The following ENGASE variants were observed in gnomAD, a reference collection of about 807,000 sequenced individuals.
ENGASE encodes the protein cytosolic endo-beta-N-acetylglucosaminidase.
Under a neutral mutation model 78.5 loss-of-function variants are expected in ENGASE, and 69 were observed. The ratio of observed to expected loss-of-function variants is 0.88; its 90% confidence interval spans 0.72 to 1.07. ENGASE has a LOEUF of 1.07. ENGASE is among the 50% of genes least tolerant of loss of function. The pLI, the probability that ENGASE is intolerant of heterozygous loss-of-function variation, is 0.00. For synonymous variants in ENGASE, 408 were observed against 408.9 expected (o/e 1.00, Z 0.03); for missense variants, 943 against 988.4 (o/e 0.95, Z 0.62).
chr17:79,077,925 T>TGTTGGGGGGGGGGGGGGGG, intron 3 of ENGASE, 61 bp downstream of exon 3: 2 of 620,744 alleles, frequency 3.2e-6, no homozygotes, highest in Non-Finnish European at 2.7e-6. Flanking sequence ...GGGTGGGGGC[T>TGTTGGGGGGGGGGGGGGGG]GGAGGGGCGG....
chr17:79,087,070 C>G lies in ENGASE; in HGVS notation c.*721C>G. 2.1e-6 allele frequency: 1 copy of G among 466,048 alleles called. No homozygotes were observed. Among genetic ancestry groups the G allele is most frequent in the Non-Finnish European group, 4.3e-6 (1 of 232,250 alleles). The allele number at this position is 466,048 out of a possible 1,614,324, so 28.9% of individuals were successfully genotyped here. A position where few individuals can be genotyped will look rare whatever the true frequency, so the allele number is the denominator to read the frequency against. On this transcript the variant is annotated 3_prime_UTR_variant, in exon 14 of 14. Transcript: ENST00000579016. ...GCCCCTGGCTCTGCGGCGTCTCTTC[C>G]GGGCTGTGGGCATGCAGGGAAGTGG... is the stretch of plus-strand genomic sequence containing the variant.
chr17:79,086,512 TG>T lies in ENGASE; in HGVS notation c.*169del. The T allele has an allele frequency of 2.5e-6, 2 of 789,416 alleles. No individual in the cohort carries two copies. Among genetic ancestry groups the T allele is most frequent in the Non-Finnish European group, 3.9e-6 (2 of 513,466 alleles). 48.9% of individuals were successfully genotyped at this position (789,416 alleles called of 1,614,324 possible). A position where few individuals can be genotyped will look rare whatever the true frequency, so the allele number is the denominator to read the frequency against. On this transcript the variant is annotated 3_prime_UTR_variant, in exon 14 of 14. Transcript: ENST00000579016. The stretch of plus-strand genomic sequence containing the variant: ...CGGGCTGAGTGCTGTGGCTTTCTGG[TG>T]GGGGGCGATGGAAACAGGAAACCAA...
chr17:79,084,016 C>A, intron 10 of ENGASE, 65 bp downstream of exon 10: 1 of 1,439,492 alleles, frequency 6.9e-7, no homozygotes, highest in Non-Finnish European at 9.6e-7. Flanking sequence ...GGCCATGGAA[C>A]TGGACAGATG....
chr17:79,082,791 T>C (rs1468167379), intron 7 of ENGASE: 1 of 1,483,074 alleles, frequency 6.7e-7, no homozygotes, highest in East Asian at 2.8e-5. Flanking sequence ...CCTGCCCCCC[T>C]GCCCTTGCAG....
chr17:79,075,185 CG>C lies in ENGASE; in HGVS notation c.146+101del, dbSNP rs913601462. 15 of 1,155,616 alleles carry C rather than the reference CG, an allele frequency of 1.3e-5. No individual in the cohort carries two copies. In the African/African-American group the frequency reaches 1.6e-4, roughly 12 times the overall value. 71.6% of individuals were successfully genotyped at this position (1,155,616 alleles called of 1,614,324 possible). On this transcript the variant is annotated intron_variant, in intron 1 of 13. Transcript: ENST00000579016. ...TTCCCGGCACGGGCGCGCCGAGGGG[CG>C]GGGGGCCGGCGCCTGTGTCCGCTCC...
chr17:79,086,286 A>G lies in ENGASE; in HGVS notation c.2169A>G (p.Glu723=). The stretch of plus-strand genomic sequence containing the variant: ...TTCTGGTGGAGCCTGTCCCCAAGGA[A>G]GGGTTCCGGGTACCTCAGGCCGAGT... ...MEFLVEPVPK[E]GFRVPQAEWG... The change falls in exon 14 of 14, where the codon GAA becomes GAG. Residue 723 remains glutamate (E), a synonymous_variant. Coordinates refer to ENST00000579016, the MANE Select transcript of ENGASE (RefSeq NM_001042573.3). 1 of 1,613,628 alleles carries G rather than the reference A, an allele frequency of 6.2e-7. No homozygotes were observed. Among genetic ancestry groups the G allele is most frequent in the African/African-American group, 1.3e-5 (1 of 75,050 alleles).
intron 1 of ENGASE, chr17:79,075,678 C>T (rs2072952335): frequency 2.0e-6 from 2 of 984,736 alleles, no homozygotes. Context: ...AACTCCCCCT[C>T]AGTAGGTTGC....
chr17:79,075,145 C>T (rs2072937077), intron 1 of ENGASE, 55 bp downstream of exon 1: 1 of 1,197,978 alleles, frequency 8.3e-7, no homozygotes, highest in Non-Finnish European at 1.0e-6. Flanking sequence ...AGTCCGTGGC[C>T]CCGGGGCCCG....
At chr17:79,081,457 G>A (rs1482210969) in intron 6 of ENGASE, among the ~76,000 whole-genome samples, 2 of 152,082 alleles carry the variant, frequency 1.3e-5, no homozygotes, top group Non-Finnish European at 2.9e-5. Flanking sequence ...AGCCAAGATC[G>A]TGCCACTGCA....
chr17:79,075,796 T>C (rs904956680), intron 1 of ENGASE: 2 of 985,236 alleles, frequency 2.0e-6, no homozygotes, highest in Non-Finnish European at 2.4e-6. Flanking sequence ...CTCATGAAGA[T>C]GGGATGAAGG....
At position 79,083,327 on chromosome 17, in the gene ENGASE, G is replaced by A. The variant is rs2073198776; in HGVS notation, c.1143-155G>A. Reference sequence around the variant, plus strand: ...GGCCGCTTCCTGCAGACTCGTGTTTGCAGCGTATCTGTAGACGGGGAGGCT... The same window carrying A: ...GGCCGCTTCCTGCAGACTCGTGTTTACAGCGTATCTGTAGACGGGGAGGCT... On this transcript the variant is annotated intron_variant, in intron 8 of 13. Coordinates refer to ENST00000579016, the MANE Select transcript of ENGASE (RefSeq NM_001042573.3). This position sits in a 1 kb window ranked among gnomAD's most constrained non-coding sequence, Gnocchi z 4.9. 5.7e-6 allele frequency: 4 copies of A among 700,438 alleles called. No individual in the cohort carries two copies. Among genetic ancestry groups the A allele is most frequent in the Non-Finnish European group, 9.6e-6 (4 of 415,188 alleles). 43.4% of individuals were successfully genotyped at this position (700,438 alleles called of 1,614,324 possible).
chr17:79,076,438 C>G (rs2072970000), intron 1 of ENGASE, among the ~76,000 whole-genome samples: 1 of 152,140 alleles, frequency 6.6e-6, no homozygotes, highest in African/African-American at 2.4e-5. Context: ...GTGGCAGATG[C>G]CTGTAATCCC....
At chr17:79,079,164 TC>T (rs956839686) in intron 3 of ENGASE, among the ~76,000 whole-genome samples, 24 of 152,302 alleles carry the variant, frequency 1.6e-4, no homozygotes, top group South Asian at 4.1e-4. Context: ...TGACTCTGTT[TC>T]TTTTTTTCTG....
chr17:79,080,886 G>A (rs753882780), intron 5 of ENGASE, 39 bp from the exon 6 acceptor site: 1 of 1,587,628 alleles, frequency 6.3e-7, no homozygotes, highest in Non-Finnish European at 8.6e-7. Flanking sequence ...AGATAGATCT[G>A]GGGCTCACTG....
At position 79,083,969 on chromosome 17, in the gene ENGASE, G is replaced by T; in HGVS notation, c.1442+18G>T. ...GCTGTGAGGTGGGTGAGTGACGGAGGACGGTGGGCCCACCAGCTTCTCCCA... is the reference window on the plus strand; with the variant it reads ...GCTGTGAGGTGGGTGAGTGACGGAGTACGGTGGGCCCACCAGCTTCTCCCA... On this transcript the variant is annotated intron_variant, in intron 10 of 13. Coordinates refer to ENST00000579016, the MANE Select transcript of ENGASE (RefSeq NM_001042573.3). This position sits in a 1 kb window ranked among gnomAD's most constrained non-coding sequence, Gnocchi z 4.9. 1 of 1,604,266 alleles carries T rather than the reference G, an allele frequency of 6.2e-7. No homozygotes were observed. The highest frequency in any genetic ancestry group is 8.5e-7 in the Non-Finnish European group (1 of 1,176,806).
Position 79,086,092 on chromosome 17 carries a change from C to G in ENGASE, c.1975C>G (p.Arg659Gly). ...LHWSFLLSQV[R>G]CFRIHCWGGM... ...CTGGTCCTTCCTCCTCTCACAAGTCCGTTGCTTCCGAATCCACTGCTGGGG... is the reference window on the plus strand; with the variant it reads ...CTGGTCCTTCCTCCTCTCACAAGTCGGTTGCTTCCGAATCCACTGCTGGGG... The change falls in exon 14 of 14, where the codon CGT (arginine) becomes GGT (glycine). Residue 659 changes from arginine to glycine, a missense_variant. Coordinates refer to ENST00000579016, the MANE Select transcript of ENGASE (RefSeq NM_001042573.3). 1.2e-6 allele frequency: 2 copies of G among 1,613,656 alleles called. No individual in the cohort carries two copies. The highest frequency in any genetic ancestry group is 8.5e-7 in the Non-Finnish European group (1 of 1,180,040).
rs376581145 is a variant in ENGASE, at chr17:79,085,748, G to C, written c.1815+14G>C. Reference sequence around the variant, plus strand: ...GGAGAGATCCAGGTGATGCTTCCCAGAGGGGCTCGGGCTGGGCTGGCTGTT... The same window carrying C: ...GGAGAGATCCAGGTGATGCTTCCCACAGGGGCTCGGGCTGGGCTGGCTGTT... On this transcript the variant is annotated intron_variant, in intron 13 of 13. Coordinates refer to ENST00000579016, the MANE Select transcript of ENGASE (RefSeq NM_001042573.3). 1.2e-6 allele frequency: 2 copies of C among 1,612,042 alleles called. No homozygotes were observed. The highest frequency in any genetic ancestry group is 2.7e-5 in the African/African-American group (2 of 74,896).
intron 7 of ENGASE, chr17:79,082,408 G>A (rs571075715): frequency 2.2e-5 from 27 of 1,237,496 alleles, no homozygotes; most frequent in Middle Eastern, 2.7e-4. Flanking sequence ...CTGCGGGGAC[G>A]CACAGGGGCC....
At position 79,083,939 on chromosome 17, in the gene ENGASE, A is replaced by G; in HGVS notation, c.1430A>G (p.Asn477Ser). Residue 477 changes from asparagine to serine, a missense_variant, in exon 10 of 14, where the codon AAT becomes AGT. By Grantham distance (46) the Asn-to-Ser change is conservative. Coordinates refer to ENST00000579016, the MANE Select transcript of ENGASE (RefSeq NM_001042573.3). The surrounding 1 kb of genome is among the most constrained non-coding windows in gnomAD (Gnocchi z 4.9). The stretch of plus-strand genomic sequence containing the variant: ...GGTGTGATCCCACCGGAGGTTGGAA[A>G]TGTGGCTGTGAGGTGGGTGAGTGAC... ...VRGVIPPEVG[N>S]VAVRLFSLQA... 2.5e-6 allele frequency: 4 copies of G among 1,609,954 alleles called. No individual in the cohort carries two copies. Among genetic ancestry groups the G allele is most frequent in the Non-Finnish European group, 3.4e-6 (4 of 1,179,578 alleles).
Sources: allele counts gnomAD v4.1 joint callset (sites outside exome capture counted in the v4.1 genomes callset), GRCh38; gene constraint gnomAD v4.1.1; non-coding constraint Gnocchi (gnomAD v3.1); transcripts MANE v1.5; gene names NCBI Gene and HGNC (gene_info 2026-07-23, HGNC 2026-07-21).